TECRL: variants seen among roughly 807,000 people sequenced by gnomAD.
TECRL encodes trans-2,3-enoyl-CoA reductase-like.
Under a neutral mutation model 52.8 loss-of-function variants are expected in TECRL, and 63 were observed. That is an observed-to-expected ratio of 1.19 (90% CI 0.97 to 1.47). The LOEUF (loss-of-function observed/expected upper bound fraction) is 1.47, where lower values mean the gene tolerates loss of function less well. TECRL is among the 40% of genes most tolerant of loss of function. The pLI is 0.00. For synonymous variants in TECRL, 164 were observed against 141.9 expected (o/e 1.16, Z -1.10); for missense variants, 482 against 429.6 (o/e 1.12, Z -1.08).
At chr4:64,305,775 G>A (rs1449285455) in intron 6 of TECRL, among the ~76,000 whole-genome samples, 1 of 152,108 alleles carries the variant, frequency 6.6e-6, no homozygotes, top group African/African-American at 2.4e-5. Context: ...ACCCAGGCAT[G>A]CACAGATGCA....
At chr4:64,317,583 ATCACT>A (rs1717595543) in intron 4 of TECRL, among the ~76,000 whole-genome samples, 1 of 152,212 alleles carries the variant, frequency 6.6e-6, no homozygotes, top group Non-Finnish European at 1.5e-5. Flanking sequence ...GGGAGCATTT[ATCACT>A]TGTAATACAG....
At chr4:64,334,889 A>G (rs1718932932) in intron 2 of TECRL, among the ~76,000 whole-genome samples, 1 of 152,172 alleles carries the variant, frequency 6.6e-6, no homozygotes, top group Non-Finnish European at 1.5e-5. Context: ...TGCTCACTGA[A>G]TTACCCAACA....
chr4:64,352,343 A>G (rs910225947), intron 2 of TECRL, among the ~76,000 whole-genome samples: 1 of 152,220 alleles, frequency 6.6e-6, no homozygotes, highest in Non-Finnish European at 1.5e-5. Flanking sequence ...TTAAAAAACA[A>G]TTATTGTATT....
At chr4:64,295,960 T>C (rs1298327084) in intron 8 of TECRL, among the ~76,000 whole-genome samples, 1 of 151,982 alleles carries the variant, frequency 6.6e-6, no homozygotes, top group Non-Finnish European at 1.5e-5. Context: ...TTATTCTTTA[T>C]ATCAGATGCT....
chr4:64,298,268 T>G (rs1480917142), intron 8 of TECRL, among the ~76,000 whole-genome samples: 1 of 151,270 alleles, frequency 6.6e-6, no homozygotes, highest in African/African-American at 2.4e-5. Context: ...GGACATAGTC[T>G]ATTACACCAT....
At chr4:64,335,865 C>T (rs562254164) in intron 2 of TECRL, among the ~76,000 whole-genome samples, 46 of 152,234 alleles carry the variant, frequency 3.0e-4, no homozygotes, top group African/African-American at 9.9e-4. Context: ...AGGGATGAAA[C>T]CCACTTGATC....
intron 2 of TECRL, among the ~76,000 whole-genome samples, chr4:64,347,721 C>T (rs1480364260): frequency 6.6e-6 from 1 of 152,118 alleles, no homozygotes; most frequent in Non-Finnish European, 1.5e-5. Context: ...AAACGGCCCC[C>T]ATGATCCAGT....
chr4:64,404,027 A>AT (rs1724545691), intron 1 of TECRL, among the ~76,000 whole-genome samples: 1 of 152,062 alleles, frequency 6.6e-6, no homozygotes. Context: ...TTAAAATGGC[A>AT]ATGTCAAAAA....
chr4:64,291,256 T>G (rs113254048), intron 8 of TECRL, among the ~76,000 whole-genome samples: 2,165 of 152,178 alleles, frequency 0.014, 65 homozygotes, highest in African/African-American at 0.049. Context: ...TGTGATAATT[T>G]TAGTTATCAA....
chr4:64,339,269 T>C (rs563761093), intron 2 of TECRL, among the ~76,000 whole-genome samples: 193 of 109,810 alleles, frequency 1.8e-3, no homozygotes, highest in African/African-American at 6.7e-3. Context: ...AACATCACAC[T>C]CTGGGGCCTG....
At chr4:64,370,797 T>C (rs1721922419) in intron 2 of TECRL, among the ~76,000 whole-genome samples, 1 of 151,866 alleles carries the variant, frequency 6.6e-6, no homozygotes, top group African/African-American at 2.4e-5. Context: ...ATGATATTTA[T>C]GATGAATTAT....
At chr4:64,371,932 G>C (rs189282745) in intron 2 of TECRL, among the ~76,000 whole-genome samples, 24 of 151,918 alleles carry the variant, frequency 1.6e-4, no homozygotes, top group Middle Eastern at 3.4e-3. Flanking sequence ...GATAGAAATA[G>C]AGTGGTATTA....
At position 64,278,579 on chromosome 4, in the gene TECRL, C is replaced by T. The variant is rs1176419939; in HGVS notation, c.*1493G>A. 6.4e-6 allele frequency: 1 copy of T among 156,530 alleles called. No individual in the cohort carries two copies. Among genetic ancestry groups the T allele is most frequent in the African/African-American group, 2.4e-5 (1 of 41,452 alleles). The allele number at this position is 156,530 out of a possible 1,614,324, so 9.7% of individuals were successfully genotyped here. A position where few individuals can be genotyped will look rare whatever the true frequency, so the allele number is the denominator to read the frequency against. On this transcript the variant is annotated 3_prime_UTR_variant, in exon 12 of 12. Coordinates refer to ENST00000381210, the MANE Select transcript of TECRL (RefSeq NM_001010874.5). ...GTCAGATCAGAGAAATTAGAGTATC[C>T]ATGGTTTCAAATATTTATCATTTCT...
chr4:64,377,844 C>A (rs943308089), intron 1 of TECRL, among the ~76,000 whole-genome samples: 69 of 151,898 alleles, frequency 4.5e-4, no homozygotes, highest in Non-Finnish European at 7.7e-4. Context: ...TTTTTAAAAC[C>A]GTATTTTAGC....
intron 9 of TECRL, among the ~76,000 whole-genome samples, chr4:64,285,539 G>C (rs1055452824): frequency 1.3e-5 from 2 of 152,082 alleles, no homozygotes; most frequent in Non-Finnish European, 2.9e-5. Context: ...CAATTAATAT[G>C]TTAGTGAGGG....
chr4:64,387,367 A>G (rs1723249924), intron 1 of TECRL, among the ~76,000 whole-genome samples: 1 of 152,140 alleles, frequency 6.6e-6, no homozygotes, highest in Non-Finnish European at 1.5e-5. Flanking sequence ...AGCTGCCATA[A>G]ACATCTTTAT....
chr4:64,326,959 T>C lies in TECRL; in HGVS notation c.331+1553A>G, dbSNP rs1577876941. ...GTATTGCCTTTTTTTCTTCTTAATA[T>C]TAATAGTTATGACTAAGATTGATGG... On this transcript the variant is annotated intron_variant, in intron 3 of 11. Transcript: ENST00000381210. Among the ~76,000 whole-genome samples the C allele has an allele frequency of 2.0e-5, 3 of 152,224 alleles. No homozygotes were observed. The East Asian group carries it at 5.8e-4, about 29-fold the overall frequency.
intron 9 of TECRL, among the ~76,000 whole-genome samples, chr4:64,284,717 C>T (rs552765209): frequency 2.1e-4 from 32 of 152,208 alleles, no homozygotes; most frequent in Non-Finnish European, 3.7e-4. Flanking sequence ...GCTAGTAGAA[C>T]ACAATGTCTC....
chr4:64,375,924 TC>T (rs1453583524), intron 1 of TECRL, among the ~76,000 whole-genome samples: 1 of 151,884 alleles, frequency 6.6e-6, no homozygotes, highest in Non-Finnish European at 1.5e-5. Context: ...TACTTTTTTT[TC>T]TGAATTTGTC....
Sources: allele counts gnomAD v4.1 joint callset (sites outside exome capture counted in the v4.1 genomes callset), GRCh38; gene constraint gnomAD v4.1.1; transcripts MANE v1.5; gene names NCBI Gene and HGNC (gene_info 2026-07-23, HGNC 2026-07-21).